FAM78B: variants seen among roughly 807,000 people sequenced by gnomAD.
The protein encoded by FAM78B is family with sequence similarity 78 member B.
A neutral mutation model predicts 20.0 loss-of-function variants in FAM78B; 10 were observed. That is an observed-to-expected ratio of 0.50 (90% CI 0.31 to 0.85). The LOEUF (loss-of-function observed/expected upper bound fraction) is 0.85, where lower values mean the gene tolerates loss of function less well. FAM78B is among the 40% of genes least tolerant of loss of function. The probability of loss-of-function intolerance (pLI) is 0.05; values close to 1 mark genes in which losing one functional copy is unlikely to be tolerated. For missense variants in FAM78B, 283 were observed against 345.0 expected, an observed-to-expected ratio of 0.82 and a Z score of 1.42; for synonymous variants, 135 against 132.8, an observed-to-expected ratio of 1.02 and a Z score of -0.12.
At chr1:166,066,247 G>A (rs1315057694), downstream of FAM78B, among the ~76,000 whole-genome samples, 3 of 152,210 alleles carry the variant, frequency 2.0e-5, no homozygotes, top group Non-Finnish European at 4.4e-5. Context: ...TCTGCTAAGA[G>A]CTGCTGAGTG....
chr1:166,088,286 G>A (rs567964781), intron 1 of FAM78B, among the ~76,000 whole-genome samples: 132 of 152,286 alleles, frequency 8.7e-4, no homozygotes, highest in African/African-American at 3.1e-3. Context: ...GCCCATCAAC[G>A]CTGCATGGGA....
At position 166,094,838 on chromosome 1, in the gene FAM78B, A is replaced by C. The variant is rs2101741089; in HGVS notation, c.264-24075T>G. On this transcript the variant is annotated intron_variant, in intron 1 of 1. Transcript: ENST00000354422. Reference sequence around the variant, plus strand: ...AGCAATAACAGTGCTAGTAACACTTACTGAGGTTTATACACCTATTGAATG... The same window carrying C: ...AGCAATAACAGTGCTAGTAACACTTCCTGAGGTTTATACACCTATTGAATG... Among the ~76,000 whole-genome samples, 2 of 152,344 alleles carry C rather than the reference A, an allele frequency of 1.3e-5. 1 individual carries two copies. The highest frequency in any genetic ancestry group is 4.1e-4 in the South Asian group (2 of 4,828).
intron 1 of FAM78B, among the ~76,000 whole-genome samples, chr1:166,070,984 C>T (rs1652004645): frequency 6.6e-6 from 1 of 152,088 alleles, no homozygotes; most frequent in Admixed American, 6.6e-5. Flanking sequence ...TTAAATACAA[C>T]CATGGCTGAC....
chr1:166,107,815 C>T (rs1175829132), intron 1 of FAM78B, among the ~76,000 whole-genome samples: 2 of 152,126 alleles, frequency 1.3e-5, no homozygotes, highest in African/African-American at 4.8e-5. Context: ...GGGTTTCATA[C>T]CACGGATGCA....
intron 1 of FAM78B, among the ~76,000 whole-genome samples, chr1:166,106,759 C>G (rs958878267): frequency 6.6e-6 from 1 of 152,062 alleles, no homozygotes; most frequent in Non-Finnish European, 1.5e-5. Flanking sequence ...AGTTGAAAAA[C>G]TAACAATTGG....
intron 1 of FAM78B, among the ~76,000 whole-genome samples, chr1:166,077,092 C>T (rs1182547382): frequency 6.6e-6 from 1 of 152,072 alleles, no homozygotes; most frequent in South Asian, 2.1e-4. Context: ...AAAAGCCATT[C>T]GACTTGTTAA....
chr1:166,144,312 G>A (rs1054801116), intron 1 of FAM78B, among the ~76,000 whole-genome samples: 5 of 151,392 alleles, frequency 3.3e-5, no homozygotes, highest in Non-Finnish European at 7.4e-5. Flanking sequence ...GTCTAGAAAT[G>A]GGCCCGATTT....
exon 3 of FAM78B, chr1:166,059,763 T>G (rs1413516978): frequency 6.6e-6 from 1 of 152,180 alleles, no homozygotes; most frequent in Non-Finnish European, 1.5e-5. Flanking sequence ...TAATCCCATG[T>G]CTGGTTGAAA....
At chr1:166,114,093 C>T (rs1459729040) in intron 1 of FAM78B, among the ~76,000 whole-genome samples, 1 of 152,256 alleles carries the variant, frequency 6.6e-6, no homozygotes, top group Non-Finnish European at 1.5e-5. Flanking sequence ...TATCCTTCCA[C>T]TGTTCAGCCA....
downstream of FAM78B, among the ~76,000 whole-genome samples, chr1:166,055,934 T>C (rs1224663835): frequency 6.6e-6 from 1 of 152,222 alleles, no homozygotes; most frequent in East Asian, 1.9e-4. Context: ...AATTGCCAGT[T>C]CCTTATTTAT....
At chr1:166,149,935 C>T (rs939830438) in intron 1 of FAM78B, among the ~76,000 whole-genome samples, 3 of 152,166 alleles carry the variant, frequency 2.0e-5, no homozygotes, top group Non-Finnish European at 4.4e-5. Flanking sequence ...CTGGTCCTTC[C>T]TAGAGCCACC....
rs1174461736 is a variant in FAM78B at position 166,070,034 on chromosome 1, C to CTT, written c.*205_*206dup. The CTT allele has an allele frequency of 8.0e-7, 1 of 1,251,258 alleles. No homozygotes were observed. The highest frequency in any genetic ancestry group is 3.0e-5 in the East Asian group (1 of 32,824). The allele number at this position is 1,251,258 out of a possible 1,614,324, so 77.5% of individuals were successfully genotyped here. ...AGCAAGTCTGTCAAATCAGTGATTT[C>CTT]TTTATTCCTAAGAGGAAGGGATTTT... On this transcript the variant is annotated 3_prime_UTR_variant, in exon 2 of 2. Coordinates refer to ENST00000354422, the MANE Select transcript of FAM78B (RefSeq NM_001017961.5).
chr1:166,077,903 TATATATAATTATATATATAATAA>T (rs1557891028), intron 1 of FAM78B, among the ~76,000 whole-genome samples: 122 of 4,140 alleles, frequency 0.029, 8 homozygotes, highest in African/African-American at 0.052. Flanking sequence ...ATATAATTTA[TATATATAATTATATATATAATAA>T]ATATATAATA....
Position 166,102,697 on chromosome 1 carries a change from G to C in FAM78B, c.264-31934C>G, listed in dbSNP as rs562058987. 5.9e-5 allele frequency among the ~76,000 whole-genome samples: 9 copies of C among 152,318 alleles called. No homozygotes were observed. In the East Asian group the frequency reaches 1.3e-3, roughly 23 times the overall value. ...TATGCGCCCAATACAGGAGCACCCA[G>C]ATTCATAAAGCAAGTCCTTAGAGAC... On this transcript the variant is annotated intron_variant, in intron 1 of 1. Coordinates refer to ENST00000354422, the MANE Select transcript of FAM78B (RefSeq NM_001017961.5).
At chr1:166,090,906 CA>C (rs2101736594) in intron 1 of FAM78B, among the ~76,000 whole-genome samples, 1 of 152,258 alleles carries the variant, frequency 6.6e-6, no homozygotes, top group South Asian at 2.1e-4. Context: ...TCACATGCAC[CA>C]ACTGATCAAT....
At chr1:166,117,558 T>C (rs934644778) in intron 1 of FAM78B, among the ~76,000 whole-genome samples, 1 of 152,158 alleles carries the variant, frequency 6.6e-6, no homozygotes, top group African/African-American at 2.4e-5. Flanking sequence ...TTTGCAGTCT[T>C]AATGGCACTT....
intron 1 of FAM78B, among the ~76,000 whole-genome samples, chr1:166,092,342 G>C (rs557398242): frequency 4.6e-5 from 7 of 152,280 alleles, no homozygotes; most frequent in Non-Finnish European, 7.4e-5. Context: ...CCTATGTGCA[G>C]CCTGCACCCC....
Position 166,069,886 on chromosome 1 carries a change from G to T in FAM78B, c.*355C>A. The T allele has an allele frequency of 1.3e-6, 1 of 743,528 alleles. No homozygotes were observed. The highest frequency in any genetic ancestry group is 1.7e-6 in the Non-Finnish European group (1 of 602,760). The allele number at this position is 743,528 out of a possible 1,614,324, so 46.1% of individuals were successfully genotyped here. Reference sequence around the variant, plus strand: ...TCTAATTGGCTGGGAAGCAGCATTTGCCACAGGCACTGTTTAATTTCGTTT... The same window carrying T: ...TCTAATTGGCTGGGAAGCAGCATTTTCCACAGGCACTGTTTAATTTCGTTT... On this transcript the variant is annotated 3_prime_UTR_variant, in exon 2 of 2. Transcript: ENST00000354422.
intron 1 of FAM78B, among the ~76,000 whole-genome samples, chr1:166,146,779 A>G (rs1655473368): frequency 6.6e-6 from 1 of 152,226 alleles, no homozygotes; most frequent in South Asian, 2.1e-4. Flanking sequence ...CCTTTCAACA[A>G]TAGTAGAAAT....
Sources: gnomAD v4.1 joint callset for allele counts (sites outside exome capture counted in the v4.1 genomes callset) on GRCh38, gnomAD v4.1.1 for gene constraint, MANE v1.5 for transcripts, NCBI Gene and HGNC (gene_info 2026-07-23, HGNC 2026-07-21) for gene names.